Variants in RNLS observed in about 807,000 individuals in gnomAD.
The protein encoded by RNLS is renalase.
RNLS carries 39 observed loss-of-function variants against 39.8 expected under a neutral mutation model. The ratio of observed to expected loss-of-function variants is 0.98; its 90% CI spans 0.76 to 1.28. RNLS has a LOEUF of 1.28. RNLS is among the 50% of genes most tolerant of loss of function. The probability of loss-of-function intolerance (pLI) is 0.00; values close to 1 mark genes in which losing one functional copy is unlikely to be tolerated. For missense variants in RNLS, 410 were observed against 413.3 expected (o/e 0.99, Z 0.07); for synonymous variants, 147 against 150.7 (o/e 0.98, Z 0.18).
the RNLS span, among the ~76,000 whole-genome samples, chr10:88,172,842 GTTTTTTTTTTT>G: frequency 0.084 from 3,647 of 43,602 alleles, 100 homozygotes; most frequent in African/African-American, 0.18. Flanking sequence ...ATTTTGAGTT[GTTTTTTTTTTT>G]TTTTTTTTTT....
At chr10:88,183,441 A>G in the RNLS span, among the ~76,000 whole-genome samples, 2 of 152,142 alleles carry the variant, frequency 1.3e-5, no homozygotes, top group African/African-American at 4.8e-5. Context: ...ATAAAAATGT[A>G]ACTTCAATGC....
intron 5 of RNLS, among the ~76,000 whole-genome samples, chr10:88,332,732 A>C (rs1847205510): frequency 6.6e-6 from 1 of 152,230 alleles, no homozygotes. Flanking sequence ...CTATTTTAAA[A>C]GGGGGAAATG....
chr10:88,507,576 T>C (rs959986277), intron 4 of RNLS, among the ~76,000 whole-genome samples: 11 of 152,152 alleles, frequency 7.2e-5, no homozygotes, highest in Non-Finnish European at 1.5e-4. Context: ...AAGGCGTTTT[T>C]TAGATGTCCC....
chr10:88,375,694 C>CAAAG (rs1300749047), intron 4 of RNLS, among the ~76,000 whole-genome samples: 1 of 152,098 alleles, frequency 6.6e-6, no homozygotes, highest in African/African-American at 2.4e-5. Flanking sequence ...TCCTTTTGCA[C>CAAAG]AAAGATTTAG....
intron 4 of RNLS, among the ~76,000 whole-genome samples, chr10:88,399,536 C>T (rs910699706): frequency 1.3e-5 from 2 of 151,876 alleles, no homozygotes; most frequent in Admixed American, 6.6e-5. Context: ...AGCAGACACA[C>T]AAGTCCACAA....
chr10:88,519,954 T>C (rs1376412250), intron 4 of RNLS, among the ~76,000 whole-genome samples: 1 of 151,914 alleles, frequency 6.6e-6, no homozygotes, highest in Non-Finnish European at 1.5e-5. Flanking sequence ...CCATGTCTTA[T>C]GGATACCACA....
the RNLS span, among the ~76,000 whole-genome samples, chr10:88,241,717 C>T: frequency 1.3e-5 from 2 of 152,214 alleles, no homozygotes; most frequent in African/African-American, 4.8e-5. Flanking sequence ...CTCCCACCTC[C>T]TAACAGATTC....
At chr10:88,512,138 T>C (rs1177369675) in intron 4 of RNLS, among the ~76,000 whole-genome samples, 1 of 152,178 alleles carries the variant, frequency 6.6e-6, no homozygotes, top group Non-Finnish European at 1.5e-5. Context: ...CACTAAATAC[T>C]GCAACAAAGA....
At chr10:88,547,079 G>A (rs958355362) in intron 4 of RNLS, among the ~76,000 whole-genome samples, 1 of 152,198 alleles carries the variant, frequency 6.6e-6, no homozygotes, top group Admixed American at 6.5e-5. Context: ...ACAGGAGCGT[G>A]AGCTTTTTCA....
At chr10:88,237,851 C>T in the RNLS span, among the ~76,000 whole-genome samples, 1 of 152,280 alleles carries the variant, frequency 6.6e-6, no homozygotes, top group South Asian at 2.1e-4. Context: ...GAATTCTGCC[C>T]TCTGAGGACC....
chr10:88,554,990 T>C (rs1301059249), intron 4 of RNLS, among the ~76,000 whole-genome samples: 1 of 152,186 alleles, frequency 6.6e-6, no homozygotes, highest in Admixed American at 6.6e-5. Context: ...ATAGGAGTGA[T>C]ATCACTCCAG....
At chr10:88,347,627 A>G (rs1848397587) in intron 5 of RNLS, among the ~76,000 whole-genome samples, 1 of 152,094 alleles carries the variant, frequency 6.6e-6, no homozygotes, top group Non-Finnish European at 1.5e-5. Context: ...TAAAAAAGCA[A>G]TGATGGATAT....
chr10:88,380,315 T>G (rs1229141106), intron 4 of RNLS, among the ~76,000 whole-genome samples: 1 of 151,986 alleles, frequency 6.6e-6, no homozygotes, highest in East Asian at 1.9e-4. Flanking sequence ...AATTTGAGTT[T>G]TATGTATCCG....
In RNLS at chr10:88,401,366, C is replaced by T. The variant is rs17111916; in HGVS notation, c.527-38641G>A. Reference sequence around the variant, plus strand: ...AAATTCGGTCCTAGAAAACATTGGACTAGTTGAACAGAACTCAGTTACTCT... The same window carrying T: ...AAATTCGGTCCTAGAAAACATTGGATTAGTTGAACAGAACTCAGTTACTCT... On this transcript the variant is annotated intron_variant, in intron 4 of 6. Transcript: ENST00000331772. Among the ~76,000 whole-genome samples, 1,051 of 152,096 alleles carry T rather than the reference C, an allele frequency of 6.9e-3. 15 individuals carry two copies. Among genetic ancestry groups the T allele is most frequent in the African/African-American group, 0.024 (989 of 41,502 alleles).
chr10:88,335,834 A>G (rs1254639129), intron 5 of RNLS, among the ~76,000 whole-genome samples: 1 of 152,230 alleles, frequency 6.6e-6, no homozygotes, highest in Admixed American at 6.5e-5. Flanking sequence ...AGTTTTGTAT[A>G]AAGCTAGGAT....
chr10:88,474,766 G>A (rs1296455932), intron 4 of RNLS, among the ~76,000 whole-genome samples: 1 of 152,056 alleles, frequency 6.6e-6, no homozygotes, highest in Non-Finnish European at 1.5e-5. Context: ...CTGACTCAGA[G>A]GATTATTTGA....
chr10:88,364,939 C>T (rs1361996677), intron 4 of RNLS, among the ~76,000 whole-genome samples: 1 of 152,038 alleles, frequency 6.6e-6, no homozygotes, highest in Non-Finnish European at 1.5e-5. Context: ...TAGTTAGCTA[C>T]TTAGTAACTG....
intron 4 of RNLS, among the ~76,000 whole-genome samples, chr10:88,510,533 G>A (rs1254994756): frequency 2.6e-5 from 4 of 152,040 alleles, no homozygotes; most frequent in Non-Finnish European, 1.5e-5. Flanking sequence ...TAGGATATAT[G>A]TATATCACCA....
chr10:88,416,237 A>C (rs1854015907), intron 4 of RNLS, among the ~76,000 whole-genome samples: 1 of 148,564 alleles, frequency 6.7e-6, no homozygotes, highest in Admixed American at 6.7e-5. Context: ...TATATATATA[A>C]TTTTTATTTT....
Sources: allele counts gnomAD v4.1 joint callset (sites outside exome capture counted in the v4.1 genomes callset), GRCh38; gene constraint gnomAD v4.1.1; transcripts MANE v1.5; gene names NCBI Gene and HGNC (gene_info 2026-07-23, HGNC 2026-07-21).